Variants in TMEM192 observed in about 807,000 individuals in gnomAD.
The protein encoded by TMEM192 is transmembrane protein 192.
A neutral mutation model predicts 26.7 loss-of-function variants in TMEM192; 20 were observed. The ratio of observed to expected loss-of-function variants is 0.75; its 90% CI spans 0.53 to 1.09. TMEM192 has a LOEUF of 1.09. TMEM192 is among the 50% of genes least tolerant of loss of function. TMEM192 has a pLI of 0.00. For missense variants in TMEM192, 304 were observed against 322.6 expected, an observed-to-expected ratio of 0.94 and a Z score of 0.44; for synonymous variants, 124 against 121.0, an observed-to-expected ratio of 1.02 and a Z score of -0.16.
intron 3 of TMEM192, among the ~76,000 whole-genome samples, chr4:165,091,533 A>G (rs1279179129): frequency 1.3e-5 from 2 of 152,152 alleles, no homozygotes; most frequent in African/African-American, 4.8e-5. Context: ...CTATGTAGGA[A>G]CGTAGAAAAG....
rs1735210443 is a variant in TMEM192, at chr4:165,108,120, T to C, written c.27+4627A>G. Among the ~76,000 whole-genome samples the C allele has an allele frequency of 1.4e-4, 3 of 21,316 alleles. No individual in the cohort carries two copies. The South Asian group carries it at 9.4e-3, about 67-fold the overall frequency. The allele number at this position is 21,316 out of a possible 152,430, so 14.0% of individuals were successfully genotyped here. On this transcript the variant is annotated intron_variant, in intron 1 of 5. Coordinates refer to ENST00000306480, the MANE Select transcript of TMEM192 (RefSeq NM_001100389.2). ...GGTATTTTCTGTATTCCCTTTTTTT[T>C]TTTTTTTTTTTTTTTTTTTGGAGAT... is the stretch of plus-strand genomic sequence containing the variant.
intron 3 of TMEM192, among the ~76,000 whole-genome samples, chr4:165,098,894 G>T (rs1457343606): frequency 6.7e-6 from 1 of 149,158 alleles, no homozygotes; most frequent in Non-Finnish European, 1.5e-5. Context: ...TAGAGATGAG[G>T]TTTCACCATG....
In TMEM192 at chr4:165,071,753, A is replaced by C. The variant is rs1342892637; in HGVS notation, c.*7905T>G. 6.7e-6 allele frequency: 1 copy of C among 150,110 alleles called. No homozygotes were observed. Among genetic ancestry groups the C allele is most frequent in the African/African-American group, 2.5e-5 (1 of 39,870 alleles). The allele number at this position is 150,110 out of a possible 1,614,324, so 9.3% of individuals were successfully genotyped here. On this transcript the variant is annotated 3_prime_UTR_variant, in exon 6 of 6. Coordinates refer to ENST00000306480, the MANE Select transcript of TMEM192 (RefSeq NM_001100389.2). ...GGTACACAAAGGAAGAGTAGGAGAG[A>C]GGAGGTGGGGTGGGGTGGGAAGTGG...
chr4:165,101,003 G>A, intron 2 of TMEM192, 111 bp from the exon 3 acceptor site: 2 of 1,132,376 alleles, frequency 1.8e-6, no homozygotes, highest in Non-Finnish European at 2.3e-6. Flanking sequence ...CTGAGACAGA[G>A]TCTCACTCTG....
chr4:165,103,072 T>C lies in TMEM192; in HGVS notation c.52A>G (p.Ile18Val). 1 of 1,612,228 alleles carries C rather than the reference T, an allele frequency of 6.2e-7. No individual in the cohort carries two copies. Among genetic ancestry groups the C allele is most frequent in the South Asian group, 1.1e-5 (1 of 90,828 alleles). The part of the protein sequence containing the change: ...EDGSLDITQS[I>V]EDDPLLDAQL... ...GCATCCAGAAGTGGGTCGTCTTCAA[T>C]ACTCTGGGTGATATCCAAGGAACCC... The change falls in exon 2 of 6, where the codon ATT becomes GTT. Residue 18 changes from isoleucine (I) to valine (V), a missense_variant. By Grantham distance (29) the Ile-to-Val change is conservative (BLOSUM62 3). Coordinates refer to ENST00000306480, the MANE Select transcript of TMEM192 (RefSeq NM_001100389.2).
In TMEM192 at chr4:165,079,595, G is replaced by A; in HGVS notation, c.*63C>T. 6.6e-7 allele frequency: 1 copy of A among 1,519,162 alleles called. No individual in the cohort carries two copies. Among genetic ancestry groups the A allele is most frequent in the Non-Finnish European group, 8.9e-7 (1 of 1,128,016 alleles). The allele number at this position is 1,519,162 out of a possible 1,614,324, so 94.1% of individuals were successfully genotyped here. The stretch of plus-strand genomic sequence containing the variant: ...TGCAGTTCCCCGTGGCAGCTTGTCA[G>A]GTGGTCAGTCAGTCTCAATTACTCT... On this transcript the variant is annotated 3_prime_UTR_variant, in exon 6 of 6. Transcript: ENST00000306480.
intron 5 of TMEM192, among the ~76,000 whole-genome samples, chr4:165,080,842 G>A (rs1203771033): frequency 1.3e-5 from 2 of 151,926 alleles, no homozygotes; most frequent in Non-Finnish European, 2.9e-5. Context: ...AGCCTCCCAA[G>A]TAGCTGAGAT....
intron 1 of TMEM192, among the ~76,000 whole-genome samples, chr4:165,104,855 T>A (rs904136410): frequency 1.3e-5 from 2 of 152,138 alleles, no homozygotes; most frequent in African/African-American, 4.8e-5. Flanking sequence ...ATGCCTAGAT[T>A]GCTTCCTGTT....
At chr4:165,096,158 A>G (rs993178818) in intron 3 of TMEM192, among the ~76,000 whole-genome samples, 3 of 151,708 alleles carry the variant, frequency 2.0e-5, no homozygotes, top group Non-Finnish European at 4.4e-5. Flanking sequence ...CTGTAATGCC[A>G]GCACTATGGG....
At chr4:165,094,221 G>C (rs1204817708) in intron 3 of TMEM192, among the ~76,000 whole-genome samples, 1 of 152,054 alleles carries the variant, frequency 6.6e-6, no homozygotes, top group African/African-American at 2.4e-5. Context: ...ATTTTTAATA[G>C]AGACAGGTTT....
Position 165,112,624 on chromosome 4 carries a change from C to A in TMEM192, c.27+123G>T, listed in dbSNP as rs1172653048. 2.8e-6 allele frequency: 4 copies of A among 1,410,720 alleles called. No homozygotes were observed. In the East Asian group the frequency reaches 7.7e-5, roughly 27 times the overall value. 87.4% of individuals were successfully genotyped at this position (1,410,720 alleles called of 1,614,324 possible). A position where few individuals can be genotyped will look rare whatever the true frequency, so the allele number is the denominator to read the frequency against. ...CAGGCCTCCCCGGGCACAGGCGGCG[C>A]CCCCTTCGGCCGCGGCCGCAGTCGC... On this transcript the variant is annotated intron_variant, in intron 1 of 5. Transcript: ENST00000306480.
chr4:165,103,200 A>G, intron 1 of TMEM192, 104 bp from the exon 2 acceptor site: 1 of 1,096,078 alleles, frequency 9.1e-7, no homozygotes. Context: ...TACAAATTAA[A>G]GGCAAGAGAA....
intron 3 of TMEM192, among the ~76,000 whole-genome samples, chr4:165,090,545 A>G (rs993666517): frequency 1.8e-4 from 27 of 152,184 alleles, no homozygotes; most frequent in African/African-American, 6.5e-4. Flanking sequence ...TCTCCTTTAC[A>G]ACAAACCATA....
intron 5 of TMEM192, among the ~76,000 whole-genome samples, chr4:165,084,948 C>G (rs749929526): frequency 6.6e-6 from 1 of 151,528 alleles, no homozygotes; most frequent in Non-Finnish European, 1.5e-5. Context: ...TTGAGGCCAG[C>G]CTGGGCAATA....
At position 165,100,730 on chromosome 4, in the gene TMEM192, A is replaced by G; in HGVS notation, c.337T>C (p.Tyr113His). The G allele has an allele frequency of 6.2e-7, 1 of 1,614,098 alleles. No homozygotes were observed. Among genetic ancestry groups the G allele is most frequent in the Middle Eastern group, 1.6e-4 (1 of 6,062 alleles). ...ATTTTGCTGTGGTGATACTGGATGT[A>G]GCATTCAAGGAGTAAATGGAGAATC... ...LWILHLLLEC[Y>H]IQYHHSKIRN... The change falls in exon 3 of 6, where the codon TAC becomes CAC. Residue 113 changes from tyrosine (Y) to histidine (H), a missense_variant. Physicochemically the swap from Tyr to His is moderately conservative, Grantham distance 83. Coordinates refer to ENST00000306480, the MANE Select transcript of TMEM192 (RefSeq NM_001100389.2).
At chr4:165,104,080 G>A (rs1459955789) in intron 1 of TMEM192, among the ~76,000 whole-genome samples, 3 of 152,118 alleles carry the variant, frequency 2.0e-5, no homozygotes, top group African/African-American at 7.2e-5. Flanking sequence ...CCGAGATTGC[G>A]CCACTGCACT....
intron 3 of TMEM192, among the ~76,000 whole-genome samples, chr4:165,091,135 C>T (rs947019258): frequency 5.3e-5 from 8 of 151,776 alleles, no homozygotes; most frequent in Admixed American, 2.6e-4. Context: ...GGCGTGGTGG[C>T]GGGCGCCTGT....
At chr4:165,090,441 G>A (rs369418291) in intron 3 of TMEM192, among the ~76,000 whole-genome samples, 1 of 151,946 alleles carries the variant, frequency 6.6e-6, no homozygotes, top group Non-Finnish European at 1.5e-5. Flanking sequence ...TGCCAGGAGG[G>A]TGGTGCACCC....
intron 2 of TMEM192, among the ~76,000 whole-genome samples, chr4:165,101,945 C>G (rs1735047891): frequency 6.6e-6 from 1 of 152,202 alleles, no homozygotes; most frequent in Non-Finnish European, 1.5e-5. Context: ...ACTCCATTCA[C>G]AGTCCTCGTA....
Sources: allele counts gnomAD v4.1 joint callset (sites outside exome capture counted in the v4.1 genomes callset), GRCh38; gene constraint gnomAD v4.1.1; transcripts MANE v1.5; gene names NCBI Gene and HGNC (gene_info 2026-07-23, HGNC 2026-07-21).